Variants in SYT6 observed in about 807,000 individuals in gnomAD.
SYT6 encodes synaptotagmin-6.
A neutral mutation model predicts 38.4 loss-of-function variants in SYT6; 24 were observed. That is an observed-to-expected ratio of 0.62 (90% CI 0.45 to 0.88). The LOEUF (loss-of-function observed/expected upper bound fraction) is 0.88. Ranked by LOEUF, SYT6 falls within the 40% of genes least tolerant of loss-of-function variation. The pLI, the probability that SYT6 is intolerant of heterozygous loss-of-function variation, is 0.00. For missense variants in SYT6, 611 were observed against 621.0 expected (o/e 0.98, Z 0.17); for synonymous variants, 265 against 241.9 (o/e 1.10, Z -0.89).
chr1:114,097,678 C>A, intron 6 of SYT6, 49 bp downstream of exon 6: 1 of 1,599,880 alleles, frequency 6.3e-7, no homozygotes, highest in South Asian at 1.1e-5. Context: ...ATTCTCCAGC[C>A]CACACTGCCA....
Position 114,099,263 on chromosome 1 carries a change from G to T in SYT6, c.1195C>A (p.Pro399Thr). The T allele has an allele frequency of 1.2e-6, 2 of 1,611,650 alleles. No homozygotes were observed. The highest frequency in any genetic ancestry group is 1.1e-5 in the South Asian group (1 of 90,660). ...KAMDITGYSD[P>T]YVKVSLLCDG... ...CAGAGCAAGGACACTTTCACATAGGGATCTGTGCCAATGGGGACAGAGAAA... is the reference window on the plus strand; with the variant it reads ...CAGAGCAAGGACACTTTCACATAGGTATCTGTGCCAATGGGGACAGAGAAA... The change falls in exon 5 of 8, where the codon CCC (proline) becomes ACC (threonine). Residue 399 changes from proline (P) to threonine (T), a missense_variant and splice_region_variant. Pro to Thr is a conservative substitution (Grantham distance 38). Transcript: ENST00000610222.
chr1:114,113,486 C>G (rs1422380567), intron 3 of SYT6, among the ~76,000 whole-genome samples: 1 of 152,176 alleles, frequency 6.6e-6, no homozygotes, highest in Non-Finnish European at 1.5e-5. Flanking sequence ...GGCTGGAAAT[C>G]TAAAACTTCT....
chr1:114,123,003 G>A (rs1477990805), intron 3 of SYT6, among the ~76,000 whole-genome samples: 2 of 152,162 alleles, frequency 1.3e-5, no homozygotes, highest in East Asian at 1.9e-4. Context: ...TCCGGGGCCC[G>A]CGAGGCACTC....
intron 7 of SYT6, 100 bp downstream of exon 7, chr1:114,093,635 T>A: frequency 8.7e-7 from 1 of 1,151,488 alleles, no homozygotes. Context: ...TTCTTTCCAC[T>A]CCATCCTGCT....
intron 2 of SYT6, among the ~76,000 whole-genome samples, chr1:114,138,629 A>T (rs1406591406): frequency 6.6e-6 from 1 of 152,248 alleles, no homozygotes; most frequent in East Asian, 1.9e-4. Flanking sequence ...GAGGATAATA[A>T]AAGTAACAGC....
chr1:114,141,400 C>T (rs1490196452), intron 1 of SYT6, among the ~76,000 whole-genome samples: 5 of 152,194 alleles, frequency 3.3e-5, no homozygotes, highest in Non-Finnish European at 4.4e-5. Context: ...AAGCCAAAGC[C>T]TAATCCAGAG....
intron 6 of SYT6, 50 bp downstream of exon 6, chr1:114,097,677 C>G: frequency 6.3e-7 from 1 of 1,597,922 alleles, no homozygotes. Flanking sequence ...CATTCTCCAG[C>G]CCACACTGCC....
At position 114,139,837 on chromosome 1, in the gene SYT6, G is replaced by C; in HGVS notation, c.290C>G (p.Ser97Cys). The C allele has an allele frequency of 6.3e-7, 1 of 1,591,284 alleles. No homozygotes were observed. ...PWRNKEASSPSSANPPLEALQ... is the reference protein window; with the variant it reads ...PWRNKEASSPCSANPPLEALQ... Reference sequence around the variant, plus strand: ...GGCTTCCAAGGGGGGATTAGCAGAAGAGGGACTGGAGGCCTCCTTGTTCCT... The same window carrying C: ...GGCTTCCAAGGGGGGATTAGCAGAACAGGGACTGGAGGCCTCCTTGTTCCT... The change falls in exon 2 of 8, where the codon TCT (serine) becomes TGT (cysteine). Residue 97 changes from serine (S) to cysteine (C), a missense_variant. Physicochemically the swap from Ser to Cys is moderately radical, Grantham distance 112 (BLOSUM62 -1). Transcript: ENST00000610222.
intron 3 of SYT6, among the ~76,000 whole-genome samples, chr1:114,106,792 C>T (rs1164251693): frequency 6.6e-6 from 1 of 152,132 alleles, no homozygotes; most frequent in Non-Finnish European, 1.5e-5. Flanking sequence ...GGCTTCCTGT[C>T]CTCGAACAGC....
At chr1:114,099,374 A>T (rs1463743668) in intron 4 of SYT6, 109 bp from the exon 5 acceptor site, 3 of 1,149,140 alleles carry the variant, frequency 2.6e-6, no homozygotes, top group Non-Finnish European at 3.7e-6. Flanking sequence ...TGCTCATCAG[A>T]TGGTATCAGT....
At chr1:114,130,581 A>G (rs1213031463) in intron 3 of SYT6, among the ~76,000 whole-genome samples, 2 of 152,114 alleles carry the variant, frequency 1.3e-5, no homozygotes, top group Non-Finnish European at 2.9e-5. Context: ...CCTCGCTTCA[A>G]TACTCACCTC....
At chr1:114,115,156 C>T (rs1220404035) in intron 3 of SYT6, among the ~76,000 whole-genome samples, 4 of 152,200 alleles carry the variant, frequency 2.6e-5, no homozygotes, top group African/African-American at 9.6e-5. Flanking sequence ...ATCAGAAACA[C>T]AAATTCTTGG....
intron 3 of SYT6, among the ~76,000 whole-genome samples, chr1:114,134,494 C>CT (rs949150657): frequency 6.6e-6 from 1 of 151,700 alleles, no homozygotes; most frequent in African/African-American, 2.4e-5. Context: ...CAAGCCATTC[C>CT]TGAGCCATTG....
At chr1:114,145,242 T>C (rs1679098167) in intron 1 of SYT6, among the ~76,000 whole-genome samples, 1 of 152,226 alleles carries the variant, frequency 6.6e-6, no homozygotes, top group Admixed American at 6.5e-5. Context: ...AGGCAATTTA[T>C]TCAACATTAC....
intron 3 of SYT6, among the ~76,000 whole-genome samples, chr1:114,122,506 T>TGTGTGTGTGTGTGTGTGCGCGCGC (rs60780339): frequency 6.8e-6 from 1 of 147,288 alleles, no homozygotes; most frequent in African/African-American, 2.5e-5. Flanking sequence ...TGTGTGTGTG[T>TGTGTGTGTGTGTGTGTGCGCGCGC]GCGCGCACAT....
In SYT6 at chr1:114,146,217, C is replaced by A. The variant is rs114857687; in HGVS notation, c.164-6254G>T. ...AGGTTGGTGAGCAAGGCTAGTAAGA[C>A]CAGAAGCAGGCAGCAGGGAGGAGGT... On this transcript the variant is annotated intron_variant, in intron 1 of 7. Transcript: ENST00000610222. Among the ~76,000 whole-genome samples, 1,053 of 152,280 alleles carry A rather than the reference C, an allele frequency of 6.9e-3. 15 individuals are homozygous for A. Among genetic ancestry groups the A allele is most frequent in the African/African-American group, 0.024 (998 of 41,554 alleles).
intron 1 of SYT6, among the ~76,000 whole-genome samples, chr1:114,149,742 A>G (rs1679349456): frequency 6.6e-6 from 1 of 152,098 alleles, no homozygotes; most frequent in Non-Finnish European, 1.5e-5. Context: ...GGTGGAGGGC[A>G]GACAGCCAGA....
intron 4 of SYT6, among the ~76,000 whole-genome samples, chr1:114,099,967 C>T (rs970157231): frequency 2.0e-5 from 3 of 152,028 alleles, no homozygotes; most frequent in Non-Finnish European, 4.4e-5. Flanking sequence ...AGCTGTGGCC[C>T]GGGGAGACTC....
At chr1:114,150,394 T>A (rs535319282) in intron 1 of SYT6, among the ~76,000 whole-genome samples, 1 of 152,288 alleles carries the variant, frequency 6.6e-6, no homozygotes, top group East Asian at 1.9e-4. Context: ...TCTCCTTGGG[T>A]TCTAAAGGAT....
Sources: allele counts gnomAD v4.1 joint callset (sites outside exome capture counted in the v4.1 genomes callset), GRCh38; gene constraint gnomAD v4.1.1; transcripts MANE v1.5; gene names NCBI Gene and HGNC (gene_info 2026-07-23, HGNC 2026-07-21).